Variants in DGKI observed in about 807,000 individuals in gnomAD.
DGKI encodes DAG kinase iota.
A neutral mutation model predicts 147.5 loss-of-function variants in DGKI; 55 were observed. The observed-to-expected ratio is 0.37, with a 90% CI of 0.30 to 0.47. The LOEUF is 0.47. DGKI is among the 20% of genes least tolerant of loss of function. The probability of loss-of-function intolerance (pLI) is 1.00; values close to 1 mark genes in which losing one functional copy is unlikely to be tolerated. For missense variants in DGKI, 1,007 were observed against 1,323.8 expected, an observed-to-expected ratio of 0.76 and a Z score of 3.71; for synonymous variants, 469 against 477.1, an observed-to-expected ratio of 0.98 and a Z score of 0.22.
At chr7:137,647,471 A>G (rs1821866793) in intron 5 of DGKI, among the ~76,000 whole-genome samples, 1 of 152,174 alleles carries the variant, frequency 6.6e-6, no homozygotes, top group African/African-American at 2.4e-5. Context: ...GAGCAATATT[A>G]CTGGTTCCCC....
chr7:137,596,759 T>A (rs144071782), intron 12 of DGKI, among the ~76,000 whole-genome samples: 2 of 152,338 alleles, frequency 1.3e-5, no homozygotes, highest in African/African-American at 4.8e-5. Context: ...CACAGTTCTA[T>A]TTCATTCTCA....
chr7:137,415,702 C>A (rs1288043396), intron 28 of DGKI, among the ~76,000 whole-genome samples: 3 of 152,154 alleles, frequency 2.0e-5, no homozygotes, highest in Non-Finnish European at 2.9e-5. Context: ...ATGTTCTCAG[C>A]CAGGCATGGT....
chr7:137,746,162 T>C (rs887527488), intron 1 of DGKI, among the ~76,000 whole-genome samples: 6 of 152,162 alleles, frequency 3.9e-5, no homozygotes, highest in African/African-American at 1.4e-4. Context: ...TGGTTTGGTT[T>C]GGTTCCCAAA....
At chr7:137,831,416 G>A (rs1798217324) in intron 1 of DGKI, among the ~76,000 whole-genome samples, 1 of 152,232 alleles carries the variant, frequency 6.6e-6, no homozygotes, top group African/African-American at 2.4e-5. Flanking sequence ...CACAATCGTG[G>A]CAGACGGCAA....
chr7:137,829,129 C>T (rs2117062519), intron 1 of DGKI, among the ~76,000 whole-genome samples: 1 of 152,342 alleles, frequency 6.6e-6, no homozygotes, highest in African/African-American at 2.4e-5. Context: ...AACACATTCT[C>T]TTACATCTAA....
rs546334696 is a variant in DGKI, at chr7:137,645,364, G to C, written c.804+108C>G. ...CTGGACAAGTAAGGTCTTTCAGAAA[G>C]GAACTGATGCAGTGAACACTGGATT... On this transcript the variant is annotated intron_variant, in intron 6 of 32. Coordinates refer to ENST00000614521, the MANE Select transcript of DGKI (RefSeq NM_001321708.2). 50 of 862,918 alleles carry C rather than the reference G, an allele frequency of 5.8e-5. No homozygotes were observed. The South Asian group carries it at 9.2e-4, about 16-fold the overall frequency. 53.5% of individuals were successfully genotyped at this position (862,918 alleles called of 1,614,324 possible).
Position 137,399,250 on chromosome 7 carries a change from C to T in DGKI, c.2921-1837G>A, listed in dbSNP as rs374094519. Reference sequence around the variant, plus strand: ...ATGTATTTGCTTTTTGAATGCATGCCTTCCATAAATAAATTATTCTATATT... The same window carrying T: ...ATGTATTTGCTTTTTGAATGCATGCTTTCCATAAATAAATTATTCTATATT... On this transcript the variant is annotated intron_variant, in intron 30 of 32. Coordinates refer to ENST00000614521, the MANE Select transcript of DGKI (RefSeq NM_001321708.2). Among the ~76,000 whole-genome samples, 6 of 152,196 alleles carry T rather than the reference C, an allele frequency of 3.9e-5. No homozygotes were observed. The East Asian group carries it at 7.7e-4, about 20-fold the overall frequency.
At chr7:137,660,600 C>T (rs1026630337) in intron 3 of DGKI, among the ~76,000 whole-genome samples, 2 of 152,162 alleles carry the variant, frequency 1.3e-5, no homozygotes, top group Non-Finnish European at 2.9e-5. Flanking sequence ...AGAGAGTATA[C>T]AATTGTCCCT....
chr7:137,533,746 G>A (rs144542776), intron 20 of DGKI, among the ~76,000 whole-genome samples: 46 of 151,762 alleles, frequency 3.0e-4, no homozygotes, highest in Non-Finnish European at 6.3e-4. Context: ...AGACTGAAAG[G>A]CTTTGGCCTT....
chr7:137,616,193 T>C (rs187474822), intron 8 of DGKI, among the ~76,000 whole-genome samples: 1 of 152,302 alleles, frequency 6.6e-6, no homozygotes, highest in East Asian at 1.9e-4. Context: ...AATAACTATA[T>C]GACCCTGGGT....
intron 8 of DGKI, among the ~76,000 whole-genome samples, chr7:137,615,035 C>T (rs1820482439): frequency 6.6e-6 from 1 of 152,026 alleles, no homozygotes; most frequent in African/African-American, 2.4e-5. Flanking sequence ...TCCCCATGAC[C>T]GAAAATGCTC....
intron 21 of DGKI, among the ~76,000 whole-genome samples, chr7:137,492,107 G>T (rs1815785609): frequency 6.6e-6 from 1 of 152,190 alleles, no homozygotes; most frequent in Admixed American, 6.5e-5. Flanking sequence ...CCAAGAAACA[G>T]TTCACTCAGT....
chr7:137,484,460 G>T (rs1815482239), intron 23 of DGKI, among the ~76,000 whole-genome samples: 1 of 152,018 alleles, frequency 6.6e-6, no homozygotes, highest in South Asian at 2.1e-4. Flanking sequence ...TATTTGGAGA[G>T]AATTGTTGGC....
intron 1 of DGKI, among the ~76,000 whole-genome samples, chr7:137,813,775 G>T (rs1008278200): frequency 1.3e-5 from 2 of 152,198 alleles, no homozygotes; most frequent in Admixed American, 1.3e-4. Context: ...CCACTCAAAT[G>T]TAGTGATTTT....
intron 5 of DGKI, among the ~76,000 whole-genome samples, chr7:137,648,454 C>A (rs1298786465): frequency 6.6e-6 from 1 of 152,220 alleles, no homozygotes; most frequent in Non-Finnish European, 1.5e-5. Context: ...GTTATCCCTT[C>A]TTCCCAGGAG....
At chr7:137,413,844 T>C (rs1255092623) in intron 28 of DGKI, among the ~76,000 whole-genome samples, 2 of 152,228 alleles carry the variant, frequency 1.3e-5, no homozygotes, top group East Asian at 3.9e-4. Context: ...TTTAAGTTCT[T>C]TGAGAAATCT....
chr7:137,710,567 T>C (rs1199358617), intron 1 of DGKI, among the ~76,000 whole-genome samples: 2 of 152,114 alleles, frequency 1.3e-5, no homozygotes, highest in Admixed American at 6.5e-5. Context: ...TTGCTTATCC[T>C]TATAGAAAAA....
chr7:137,603,685 G>T (rs532860973), intron 10 of DGKI, among the ~76,000 whole-genome samples: 1 of 152,158 alleles, frequency 6.6e-6, no homozygotes, highest in South Asian at 2.1e-4. Flanking sequence ...ATTAGAAGGC[G>T]TTGTAAGTAA....
chr7:137,676,103 G>C (rs1022633222), intron 3 of DGKI, among the ~76,000 whole-genome samples: 2 of 152,038 alleles, frequency 1.3e-5, no homozygotes, highest in Non-Finnish European at 2.9e-5. Context: ...GCGAGGTGGG[G>C]AGAGAGACTG....
Sources: gnomAD v4.1 joint callset for allele counts (sites outside exome capture counted in the v4.1 genomes callset) on GRCh38, gnomAD v4.1.1 for gene constraint, MANE v1.5 for transcripts, NCBI Gene and HGNC (gene_info 2026-07-23, HGNC 2026-07-21) for gene names.